The following KBTBD11 variants were observed in gnomAD, a reference collection of about 807,000 sequenced individuals.
The protein encoded by KBTBD11 is kelch repeat and BTB domain containing 11, also known as kelch repeat and BTB domain-containing protein 11.
For synonymous variants in KBTBD11, 747 were observed against 499.0 expected (o/e 1.50, Z -6.63); for missense variants, 1,390 against 1,001.8 (o/e 1.39, Z -5.23).
chr8:1,974,301 A>G, intron 1 of KBTBD11: 1 of 984,092 alleles, frequency 1.0e-6, no homozygotes, highest in Non-Finnish European at 1.2e-6. Context: ...CGGCCGGAAG[A>G]CAATGAGCCG....
Position 2,003,997 on chromosome 8 carries a change from A to G in KBTBD11, c.*933A>G, listed in dbSNP as rs1817495699. 1 of 166,838 alleles carries G rather than the reference A, an allele frequency of 6.0e-6. No individual in the cohort carries two copies. Among genetic ancestry groups the G allele is most frequent in the Non-Finnish European group, 1.5e-5 (1 of 68,132 alleles). 10.3% of individuals were successfully genotyped at this position (166,838 alleles called of 1,614,324 possible). On this transcript the variant is annotated 3_prime_UTR_variant, in exon 2 of 2. Coordinates refer to ENST00000320248, the MANE Select transcript of KBTBD11 (RefSeq NM_014867.3). ...GCGGGGAAAATCATTTTGCTTTGAC[A>G]GTTCTATAAAAAAAAGTGTAGGCAC...
chr8:1,982,371 A>G (rs900043825), intron 1 of KBTBD11, among the ~76,000 whole-genome samples: 4 of 152,184 alleles, frequency 2.6e-5, no homozygotes, highest in African/African-American at 9.7e-5. Flanking sequence ...CCAGAAAACA[A>G]TTAAGAAAAT....
intron 1 of KBTBD11, chr8:1,975,906 C>A (rs528922205): frequency 2.0e-5 from 3 of 152,358 alleles, no homozygotes; most frequent in East Asian, 3.9e-4. Flanking sequence ...CAGGTAGCAA[C>A]CTTGGCAGTG....
intron 1 of KBTBD11, among the ~76,000 whole-genome samples, chr8:1,980,078 C>G (rs1046922769): frequency 6.6e-6 from 1 of 152,138 alleles, no homozygotes; most frequent in Non-Finnish European, 1.5e-5. Context: ...GTTTTGTTTT[C>G]TATGAATCTC....
At chr8:1,974,731 GC>G (rs1563358354) in intron 1 of KBTBD11, 1 of 983,490 alleles carries the variant, frequency 1.0e-6, no homozygotes, top group East Asian at 1.1e-4. Flanking sequence ...CTCAGGCGGG[GC>G]TCATTCTGGA....
chr8:1,977,047 A>C (rs1052315004), intron 1 of KBTBD11, among the ~76,000 whole-genome samples: 2 of 152,124 alleles, frequency 1.3e-5, no homozygotes, highest in Non-Finnish European at 2.9e-5. Context: ...AATGAGGCCC[A>C]ACACAGATTT....
intron 1 of KBTBD11, among the ~76,000 whole-genome samples, chr8:1,979,273 T>C (rs531025855): frequency 1.3e-5 from 2 of 152,356 alleles, no homozygotes; most frequent in African/African-American, 4.8e-5. Context: ...GGCCCACCCA[T>C]ATTGTGAATA....
rs974740639 is a variant in KBTBD11 at position 2,001,672 on chromosome 8, G to A, written c.480G>A (p.Ala160=). ...GCGCGCACAAGGCGGTGCTGGCGGC[G>A]CGCAGCGACTACTTCCGCGCGCGCG... The part of the protein sequence containing the change: ...RLRAHKAVLA[A]RSDYFRARAS... The change falls in exon 2 of 2, where the codon GCG becomes GCA. Residue 160 remains alanine, a synonymous_variant. Coordinates refer to ENST00000320248, the MANE Select transcript of KBTBD11 (RefSeq NM_014867.3). The A allele has an allele frequency of 2.1e-5, 30 of 1,461,562 alleles. No homozygotes were observed. Among genetic ancestry groups the A allele is most frequent in the Non-Finnish European group, 2.7e-5 (30 of 1,111,720 alleles). 90.5% of individuals were successfully genotyped at this position (1,461,562 alleles called of 1,614,324 possible).
rs1413902565 is a variant in KBTBD11, at chr8:2,002,033, C to T, written c.841C>T (p.Arg281Trp). The T allele has an allele frequency of 3.0e-6, 4 of 1,339,204 alleles. No individual in the cohort carries two copies. The highest frequency in any genetic ancestry group is 2.9e-6 in the Non-Finnish European group (3 of 1,032,260). 83.0% of individuals were successfully genotyped at this position (1,339,204 alleles called of 1,614,324 possible). Residue 281 changes from arginine (R) to tryptophan (W), a missense_variant, in exon 2 of 2, where the codon CGG (arginine) becomes TGG (tryptophan). Transcript: ENST00000320248. This position sits in a 1 kb window ranked among gnomAD's most constrained non-coding sequence, Gnocchi z 4.1. ...GTTCGGCCGCCTGTCGGGCGCAGAG[C>T]GGGACCTGCTGCTGCGCCGCCGCCT... ...AVFGRLSGAE[R>W]DLLLRRRLRA...
In KBTBD11 at chr8:2,002,932, G is replaced by T. The variant is rs1384972296; in HGVS notation, c.1740G>T (p.Glu580Asp). 5.1e-5 allele frequency: 67 copies of T among 1,321,998 alleles called. No individual in the cohort carries two copies. The highest frequency in any genetic ancestry group is 6.3e-5 in the Non-Finnish European group (65 of 1,038,922). 81.9% of individuals were successfully genotyped at this position (1,321,998 alleles called of 1,614,324 possible). Residue 580 changes from glutamate to aspartate, a missense_variant, in exon 2 of 2, where the codon GAG becomes GAT. By Grantham distance (45) the Glu-to-Asp change is conservative. Transcript: ENST00000320248. This position sits in a 1 kb window ranked among gnomAD's most constrained non-coding sequence, Gnocchi z 4.1. ...GCTTCCAGCCTGCCCGGGAAGGCGA[G>T]GCCGGCGGCGACGCAGGCCAGGGCG... ...TWRFQPAREG[E>D]AGGDAGQGGG...
At chr8:1,974,052 CG>C in intron 1 of KBTBD11, 117 bp downstream of exon 1, 1 of 589,688 alleles carries the variant, frequency 1.7e-6, no homozygotes, top group Non-Finnish European at 2.1e-6. Context: ...CGGCAGTAGG[CG>C]GGAGGGGAGA....
chr8:2,002,114 G>T lies in KBTBD11; in HGVS notation c.922G>T (p.Ala308Ser). ...AAALGPAGER[A>S]GSRPQSPSGD... is the part of the protein sequence containing the mutation. ...GGCGCTCGGGCCGGCGGGGGAGCGC[G>T]CGGGCAGCCGGCCTCAGAGCCCCTC... Residue 308 changes from alanine to serine, a missense_variant, in exon 2 of 2, where the codon GCG becomes TCG. Ala to Ser is a moderately conservative substitution (Grantham distance 99). Coordinates refer to ENST00000320248, the MANE Select transcript of KBTBD11 (RefSeq NM_014867.3). This position sits in a 1 kb window ranked among gnomAD's most constrained non-coding sequence, Gnocchi z 4.1. The T allele has an allele frequency of 9.1e-7, 1 of 1,100,324 alleles. No individual in the cohort carries two copies. The allele number at this position is 1,100,324 out of a possible 1,614,324, so 68.2% of individuals were successfully genotyped here.
intron 1 of KBTBD11, among the ~76,000 whole-genome samples, chr8:1,985,640 C>A (rs1320339605): frequency 6.6e-6 from 1 of 152,244 alleles, no homozygotes. Flanking sequence ...AACTTCAAAC[C>A]TGCATTTTAG....
At chr8:1,993,782 T>C (rs1817023714) in intron 1 of KBTBD11, among the ~76,000 whole-genome samples, 1 of 151,798 alleles carries the variant, frequency 6.6e-6, no homozygotes, top group Non-Finnish European at 1.5e-5. Flanking sequence ...AGTGAGGAAG[T>C]CTTATTAGAG....
At chr8:1,989,202 A>G (rs1350647653) in intron 1 of KBTBD11, among the ~76,000 whole-genome samples, 1 of 152,216 alleles carries the variant, frequency 6.6e-6, no homozygotes, top group Non-Finnish European at 1.5e-5. Flanking sequence ...AGGGAAGGGC[A>G]GATGCTTCCT....
In KBTBD11 at chr8:2,003,939, A is replaced by G. The variant is rs537115794; in HGVS notation, c.*875A>G. The G allele has an allele frequency of 1.2e-5, 2 of 167,064 alleles. No individual in the cohort carries two copies. The highest frequency in any genetic ancestry group is 1.3e-4 in the Admixed American group (2 of 15,306). The allele number at this position is 167,064 out of a possible 1,614,324, so 10.3% of individuals were successfully genotyped here. A position where few individuals can be genotyped will look rare whatever the true frequency, so the allele number is the denominator to read the frequency against. ...CCACTCTGTATGCCCAGCCGCTTTCATAATCTGGAACGAGATAAAATATTC... is the reference window on the plus strand; with the variant it reads ...CCACTCTGTATGCCCAGCCGCTTTCGTAATCTGGAACGAGATAAAATATTC... On this transcript the variant is annotated 3_prime_UTR_variant, in exon 2 of 2. Coordinates refer to ENST00000320248, the MANE Select transcript of KBTBD11 (RefSeq NM_014867.3).
Position 2,004,601 on chromosome 8 carries a change from G to C in KBTBD11, c.*1537G>C, listed in dbSNP as rs933063546. 6.0e-6 allele frequency: 1 copy of C among 167,086 alleles called. No individual in the cohort carries two copies. Among genetic ancestry groups the C allele is most frequent in the African/African-American group, 2.4e-5 (1 of 41,448 alleles). The allele number at this position is 167,086 out of a possible 1,614,324, so 10.4% of individuals were successfully genotyped here. A position where few individuals can be genotyped will look rare whatever the true frequency, so the allele number is the denominator to read the frequency against. On this transcript the variant is annotated 3_prime_UTR_variant, in exon 2 of 2. Transcript: ENST00000320248. Reference sequence around the variant, plus strand: ...AGGTCTCAGTTAAGTGTGTTTAGAAGTGATCAGCTTGAACCTTATGCATGA... The same window carrying C: ...AGGTCTCAGTTAAGTGTGTTTAGAACTGATCAGCTTGAACCTTATGCATGA...
At chr8:1,983,338 C>G (rs901905953) in intron 1 of KBTBD11, among the ~76,000 whole-genome samples, 1 of 152,228 alleles carries the variant, frequency 6.6e-6, no homozygotes, top group Non-Finnish European at 1.5e-5. Context: ...GTAACAGCCA[C>G]CATACATCTG....
chr8:1,994,724 C>T (rs1817067345), intron 1 of KBTBD11, among the ~76,000 whole-genome samples: 1 of 152,202 alleles, frequency 6.6e-6, no homozygotes, highest in Non-Finnish European at 1.5e-5. Flanking sequence ...TCAGGTCACA[C>T]TGCAGTCCAG....
Sources: gnomAD v4.1 joint callset for allele counts (sites outside exome capture counted in the v4.1 genomes callset) on GRCh38, gnomAD v4.1.1 for gene constraint, Gnocchi (gnomAD v3.1) non-coding constraint, MANE v1.5 for transcripts, NCBI Gene and HGNC (gene_info 2026-07-23, HGNC 2026-07-21) for gene names.